APBB1IP: variants seen among roughly 807,000 people sequenced by gnomAD.
The protein encoded by APBB1IP is amyloid beta precursor protein binding family B member 1 interacting protein, also known as amyloid beta A4 precursor protein-binding family B member 1-interacting protein.
A neutral mutation model predicts 64.9 loss-of-function variants in APBB1IP; 27 were observed. That is an observed-to-expected ratio of 0.42 (90% CI 0.31 to 0.57). The LOEUF (loss-of-function observed/expected upper bound fraction) is 0.57. Ranked by LOEUF, APBB1IP falls within the 20% of genes least tolerant of loss-of-function variation. The pLI, the probability that APBB1IP is intolerant of heterozygous loss-of-function variation, is 0.20. For synonymous variants in APBB1IP, 392 were observed against 331.0 expected, an observed-to-expected ratio of 1.18 and a Z score of -2.00; for missense variants, 812 against 845.5, an observed-to-expected ratio of 0.96 and a Z score of 0.49.
chr10:26,542,686 C>T (rs1836711574), intron 11 of APBB1IP, among the ~76,000 whole-genome samples: 1 of 151,942 alleles, frequency 6.6e-6, no homozygotes, highest in Admixed American at 6.6e-5. Flanking sequence ...TTATTATAAT[C>T]ATCAAATAAT....
intron 2 of APBB1IP, among the ~76,000 whole-genome samples, chr10:26,469,188 A>G (rs1017748023): frequency 3.3e-5 from 5 of 151,698 alleles, no homozygotes; most frequent in African/African-American, 1.2e-4. Context: ...GTATAGCTGT[A>G]CAAAAATATT....
intron 4 of APBB1IP, among the ~76,000 whole-genome samples, chr10:26,498,763 A>C (rs1450645060): frequency 3.3e-5 from 5 of 152,196 alleles, no homozygotes; most frequent in African/African-American, 7.2e-5. Context: ...ACCCAGCAAG[A>C]TATAAACATA....
intron 11 of APBB1IP, among the ~76,000 whole-genome samples, chr10:26,553,992 ATC>A (rs1161625137): frequency 6.6e-6 from 1 of 152,158 alleles, no homozygotes; most frequent in Non-Finnish European, 1.5e-5. Flanking sequence ...TCTCGCTGAG[ATC>A]ACATTCACAG....
At chr10:26,461,028 A>T (rs1835583126) in intron 2 of APBB1IP, among the ~76,000 whole-genome samples, 1 of 152,050 alleles carries the variant, frequency 6.6e-6, no homozygotes, top group African/African-American at 2.4e-5. Context: ...ACTGCAAGGG[A>T]GCCTGGGAAA....
At chr10:26,439,025 G>A (rs952053232) in intron 2 of APBB1IP, among the ~76,000 whole-genome samples, 172 bp downstream of exon 2, 3 of 152,124 alleles carry the variant, frequency 2.0e-5, no homozygotes, top group African/African-American at 4.8e-5. Flanking sequence ...GGGTCCCCAG[G>A]GTCCCCTCCG....
chr10:26,501,300 A>G, intron 5 of APBB1IP, 189 bp downstream of exon 5: 2 of 692,808 alleles, frequency 2.9e-6, no homozygotes, highest in Admixed American at 5.9e-5. Flanking sequence ...GTGTGTATCA[A>G]GAATGTATTA....
chr10:26,445,973 T>A (rs1835393661), intron 2 of APBB1IP, among the ~76,000 whole-genome samples: 1 of 152,230 alleles, frequency 6.6e-6, no homozygotes, highest in African/African-American at 2.4e-5. Context: ...AGAATGCTGC[T>A]AAAAGGTATT....
intron 8 of APBB1IP, among the ~76,000 whole-genome samples, chr10:26,524,089 C>A (rs902809737): frequency 2.0e-5 from 3 of 152,094 alleles, no homozygotes; most frequent in African/African-American, 7.2e-5. Context: ...TCTAAGAAGC[C>A]AGACGATCTC....
chr10:26,482,630 T>C (rs1467194972), intron 2 of APBB1IP, among the ~76,000 whole-genome samples: 1 of 152,204 alleles, frequency 6.6e-6, no homozygotes, highest in Non-Finnish European at 1.5e-5. Context: ...AGTTGTAATA[T>C]GTCTACTGAT....
chr10:26,449,292 T>C (rs12262799), intron 2 of APBB1IP, among the ~76,000 whole-genome samples: 2,401 of 152,222 alleles, frequency 0.016, 73 homozygotes, highest in African/African-American at 0.054. Context: ...TGGGTGTGTG[T>C]TTATGTTTGT....
In APBB1IP at chr10:26,567,366, C is replaced by T. The variant is rs1837068637; in HGVS notation, c.1879C>T (p.Pro627Ser). 1.3e-6 allele frequency: 2 copies of T among 1,550,140 alleles called. No homozygotes were observed. The highest frequency in any genetic ancestry group is 1.8e-5 in the Admixed American group (1 of 54,804). ...ARPPPAVAKR[P>S]PVPPKRQENP... Reference sequence around the variant, plus strand: ...GCCGCCCCCCGCGGTGGCCAAGAGGCCTCCTGTGCCCCCCAAGAGGCAAGA... The same window carrying T: ...GCCGCCCCCCGCGGTGGCCAAGAGGTCTCCTGTGCCCCCCAAGAGGCAAGA... Residue 627 changes from proline to serine, a missense_variant, in exon 15 of 15, where the codon CCT (proline) becomes TCT (serine). Pro to Ser is a moderately conservative substitution (Grantham distance 74, BLOSUM62 -1). Around this residue, in one of 3 missense-constraint regions of APBB1IP, gnomAD observed 381 missense variants for 352.1 expected, o/e 1.08. Coordinates refer to ENST00000376236, the MANE Select transcript of APBB1IP (RefSeq NM_019043.4).
intron 11 of APBB1IP, among the ~76,000 whole-genome samples, chr10:26,545,790 A>C (rs1379353328): frequency 1.1e-5 from 1 of 94,028 alleles, no homozygotes; most frequent in Non-Finnish European, 2.0e-5. Context: ...AACAAAAAAA[A>C]ACCACAAAAA....
Position 26,534,206 on chromosome 10 carries a change from A to C in APBB1IP, c.900+681A>C, listed in dbSNP as rs150920708. Among the ~76,000 whole-genome samples the C allele has an allele frequency of 8.2e-4, 120 of 146,488 alleles. 3 individuals carry two copies. The East Asian group carries it at 0.024, about 29-fold the overall frequency. ...CCTCGCATGGGGGCACACACCTGTA[A>C]TCCCAGCTACTCAGGAAGCTGAGGT... On this transcript the variant is annotated intron_variant, in intron 9 of 14. Coordinates refer to ENST00000376236, the MANE Select transcript of APBB1IP (RefSeq NM_019043.4).
intron 5 of APBB1IP, among the ~76,000 whole-genome samples, chr10:26,502,875 A>C (rs1378955673): frequency 6.6e-6 from 1 of 152,172 alleles, no homozygotes; most frequent in Non-Finnish European, 1.5e-5. Flanking sequence ...CCACTGTTAA[A>C]GTCATCATTT....
chr10:26,449,308 T>C (rs1044635256), intron 2 of APBB1IP, among the ~76,000 whole-genome samples: 3 of 152,174 alleles, frequency 2.0e-5, no homozygotes, highest in African/African-American at 7.2e-5. Flanking sequence ...TTTGTGTGTG[T>C]ATATCTGTGT....
At chr10:26,513,393 T>G (rs1332287811) in intron 7 of APBB1IP, 146 bp from the exon 8 acceptor site, 1 of 811,170 alleles carries the variant, frequency 1.2e-6, no homozygotes, top group Non-Finnish European at 2.0e-6. Flanking sequence ...ATAGAAATGT[T>G]ACAGTGTGGC....
In APBB1IP at chr10:26,460,539, T is replaced by G. The variant is rs567949526; in HGVS notation, c.-1+21686T>G. Among the ~76,000 whole-genome samples, 48 of 152,258 alleles carry G rather than the reference T, an allele frequency of 3.2e-4. 1 individual carries two copies. The South Asian group carries it at 9.7e-3, about 31-fold the overall frequency. On this transcript the variant is annotated intron_variant, in intron 2 of 14. Coordinates refer to ENST00000376236, the MANE Select transcript of APBB1IP (RefSeq NM_019043.4). ...AGCACTATTCACAATAGCAAAGACATGGAATCAGCCCAAATGCCCATCAAT... is the reference window on the plus strand; with the variant it reads ...AGCACTATTCACAATAGCAAAGACAGGGAATCAGCCCAAATGCCCATCAAT...
At chr10:26,535,343 G>A (rs1354632266) in intron 9 of APBB1IP, among the ~76,000 whole-genome samples, 2 of 151,974 alleles carry the variant, frequency 1.3e-5, no homozygotes, top group Non-Finnish European at 2.9e-5. Context: ...TACATAGTAT[G>A]TATACATTTA....
In APBB1IP at chr10:26,567,280, T is replaced by TGCCCCCGCC. The variant is rs1489492030; in HGVS notation, c.1797_1805dup (p.Pro604_Pro606dup). ...TACGCAGGGATCGCGGGCTCAGAGC[T>TGCCCCCGCC]GCCCCCGCCGCCGCCGCCGCCGCCC... On this transcript the variant is annotated inframe_insertion, in exon 15 of 15. Transcript: ENST00000376236. The TGCCCCCGCC allele has an allele frequency of 8.9e-7, 1 of 1,124,316 alleles. No homozygotes were observed. Among genetic ancestry groups the TGCCCCCGCC allele is most frequent in the Non-Finnish European group, 1.1e-6 (1 of 914,246 alleles). 69.6% of individuals were successfully genotyped at this position (1,124,316 alleles called of 1,614,324 possible).
Sources: gnomAD v4.1 joint callset for allele counts (sites outside exome capture counted in the v4.1 genomes callset) on GRCh38, gnomAD v4.1.1 for gene constraint, gnomAD v4.1.1 regional missense constraint, MANE v1.5 for transcripts, NCBI Gene and HGNC (gene_info 2026-07-23, HGNC 2026-07-21) for gene names.